Variants in FRMPD4 observed in about 807,000 individuals in gnomAD.
FRMPD4 encodes the protein FERM and PDZ domain containing 4, also known as FERM and PDZ domain-containing protein 4.
Under a neutral mutation model 94.1 loss-of-function variants are expected in FRMPD4, and 22 were observed. The ratio of observed to expected loss-of-function variants is 0.23; its 90% CI spans 0.17 to 0.33. The LOEUF (loss-of-function observed/expected upper bound fraction) is 0.33. Among genes scored for constraint, FRMPD4 ranks in the 10% least tolerant of loss-of-function variants. FRMPD4 has a pLI of 1.00. For missense variants in FRMPD4, 1,111 were observed against 1,339.9 expected, an observed-to-expected ratio of 0.83 and a Z score of 2.67; for synonymous variants, 631 against 548.6, an observed-to-expected ratio of 1.15 and a Z score of -2.10.
intron 2 of FRMPD4, among the ~76,000 whole-genome samples, chrX:12,608,906 C>T (rs73196374): frequency 0.35 from 38,779 of 110,574 alleles, 5,910 homozygotes; most frequent in Non-Finnish European, 0.48. Flanking sequence ...GGGCTTGGGG[C>T]GCCAACCCCA....
intron 1 of FRMPD4, among the ~76,000 whole-genome samples, chrX:12,183,218 G>A (rs906293673): frequency 1.3e-4 from 15 of 111,358 alleles, no homozygotes; most frequent in Non-Finnish European, 1.1e-4. Context: ...CTTTTTCTGG[G>A]TCATTCAACC....
At chrX:12,707,337 T>A in intron 12 of FRMPD4, 132 bp from the exon 13 acceptor site, 1 of 474,052 alleles carries the variant, frequency 2.1e-6, no homozygotes, top group South Asian at 4.4e-5. Flanking sequence ...TCTAATTGGA[T>A]GATTTAGTAC....
chrX:11,898,408 C>G (rs1020773505), intron 3 of FRMPD4, among the ~76,000 whole-genome samples: 6 of 111,254 alleles, frequency 5.4e-5, no homozygotes, highest in African/African-American at 1.6e-4. Context: ...AGCATACCCT[C>G]CTCTTTATCA....
At chrX:12,010,124 G>T (rs1222907252) in intron 3 of FRMPD4, among the ~76,000 whole-genome samples, 2 of 111,424 alleles carry the variant, frequency 1.8e-5, no homozygotes, top group African/African-American at 6.5e-5. Context: ...AGAATATCTG[G>T]GTTTCTGTCC....
chrX:12,166,837 G>A lies in FRMPD4; in HGVS notation c.41+27825G>A, dbSNP rs753061774. 6.6e-4 allele frequency among the ~76,000 whole-genome samples: 74 copies of A among 111,800 alleles called. No homozygotes were observed. The East Asian group carries it at 7.5e-3, about 11-fold the overall frequency. Reference sequence around the variant, plus strand: ...CTTCTAGATTTTCTAGTTTATTTGCGTAGAGGTGTTTATAGTATTCCCTGA... The same window carrying A: ...CTTCTAGATTTTCTAGTTTATTTGCATAGAGGTGTTTATAGTATTCCCTGA... On this transcript the variant is annotated intron_variant, in intron 1 of 16. Coordinates refer to ENST00000675598, the MANE Select transcript of FRMPD4 (RefSeq NM_001368397.1).
chrX:11,882,952 A>C (rs1201278974), intron 3 of FRMPD4, among the ~76,000 whole-genome samples: 1 of 111,656 alleles, frequency 9.0e-6, no homozygotes, highest in African/African-American at 3.3e-5. Flanking sequence ...TATGGCTTTA[A>C]TGGAAGACTG....
At chrX:12,557,756 C>T (rs561721372) in intron 2 of FRMPD4, among the ~76,000 whole-genome samples, 1 of 111,504 alleles carries the variant, frequency 9.0e-6, no homozygotes, top group African/African-American at 3.3e-5. Flanking sequence ...CTGGACCCCC[C>T]CTCCCCAGGT....
At chrX:12,422,537 A>G (rs1019651832) in intron 1 of FRMPD4, among the ~76,000 whole-genome samples, 61 of 111,895 alleles carry the variant, frequency 5.5e-4, no homozygotes, top group African/African-American at 1.9e-3. Flanking sequence ...CAATGAGATA[A>G]TGCAAATAAG....
chrX:11,899,383 C>CTTT (rs36015171), intron 3 of FRMPD4, among the ~76,000 whole-genome samples: 1 of 82,722 alleles, frequency 1.2e-5, no homozygotes, highest in Admixed American at 1.3e-4. Context: ...GTGATGTTGA[C>CTTT]TTTTTTTTTT....
At chrX:12,479,425 T>C (rs199639485) in intron 1 of FRMPD4, among the ~76,000 whole-genome samples, 913 of 12,146 alleles carry the variant, frequency 0.075, 14 homozygotes, top group East Asian at 0.19. Context: ...CATATATACG[T>C]ATATATATAC....
chrX:12,431,786 G>GT (rs1207301059), intron 1 of FRMPD4, among the ~76,000 whole-genome samples: 1 of 112,187 alleles, frequency 8.9e-6, no homozygotes. Context: ...TACTAAATGT[G>GT]TTTTCTGTTA....
chrX:12,001,954 G>A (rs1443007975), intron 3 of FRMPD4, among the ~76,000 whole-genome samples: 5 of 111,956 alleles, frequency 4.5e-5, no homozygotes, highest in Non-Finnish European at 9.4e-5. Context: ...TGATGTCTGT[G>A]TGTAATCAGA....
At chrX:12,016,919 C>T (rs2054607560) in intron 3 of FRMPD4, among the ~76,000 whole-genome samples, 1 of 112,022 alleles carries the variant, frequency 8.9e-6, no homozygotes, top group African/African-American at 3.2e-5. Context: ...CTTCCTTCTC[C>T]AGAGCTTGCA....
At chrX:11,852,143 AAAATGG>A (rs2147290799) in intron 1 of FRMPD4, among the ~76,000 whole-genome samples, 1 of 111,288 alleles carries the variant, frequency 9.0e-6, no homozygotes, top group Non-Finnish European at 1.9e-5. Flanking sequence ...ATTAGGCTAA[AAAATGG>A]AAGGTGGCTT....
At chrX:12,538,956 G>T (rs2058372685) in intron 2 of FRMPD4, among the ~76,000 whole-genome samples, 2 of 112,277 alleles carry the variant, frequency 1.8e-5, no homozygotes, top group South Asian at 7.4e-4. Context: ...TGACAAGTTG[G>T]GAGAAGAAGG....
At chrX:11,906,282 G>A (rs2053967532) in intron 3 of FRMPD4, among the ~76,000 whole-genome samples, 1 of 109,704 alleles carries the variant, frequency 9.1e-6, no homozygotes, top group Non-Finnish European at 1.9e-5. Context: ...CGAGTAGCTG[G>A]GACTACAGAC....
chrX:12,141,715 G>T (rs963180784), intron 1 of FRMPD4, among the ~76,000 whole-genome samples: 3 of 111,339 alleles, frequency 2.7e-5, no homozygotes, highest in Non-Finnish European at 3.8e-5. Context: ...TCTGAAGATG[G>T]TTTTTCCCGT....
chrX:12,298,066 T>TAC (rs1200157051), intron 1 of FRMPD4, among the ~76,000 whole-genome samples: 1 of 112,246 alleles, frequency 8.9e-6, no homozygotes, highest in African/African-American at 3.2e-5. Flanking sequence ...GGAAAGTGCC[T>TAC]CTGTTAAAGG....
Position 12,718,332 on chromosome X carries a change from C to A in FRMPD4, c.3506C>A (p.Ala1169Asp), listed in dbSNP as rs1331010527. Residue 1169 changes from alanine to aspartate, a missense_variant, in exon 16 of 17, where the codon GCT becomes GAT. This residue lies in a region of FRMPD4 where 551 missense variants were observed against 591.6 expected (regional missense o/e 0.93). Coordinates refer to ENST00000675598, the MANE Select transcript of FRMPD4 (RefSeq NM_001368397.1). ...AAAGACTTAGATAACCCAGAGGACG[C>A]TGACTCGTCCACCTGCGACCATCCT... Reference protein sequence around the residue: ...SAKDLDNPEDADSSTCDHPSK... With the variant: ...SAKDLDNPEDDDSSTCDHPSK... 2.5e-6 allele frequency: 3 copies of A among 1,211,073 alleles called. No homozygotes were observed. Among genetic ancestry groups the A allele is most frequent in the Non-Finnish European group, 3.4e-6 (3 of 894,636 alleles).
Sources: gnomAD v4.1 joint callset for allele counts (sites outside exome capture counted in the v4.1 genomes callset) on GRCh38, gnomAD v4.1.1 for gene constraint, gnomAD v4.1.1 regional missense constraint, MANE v1.5 for transcripts, NCBI Gene and HGNC (gene_info 2026-07-23, HGNC 2026-07-21) for gene names.